The following NFKBIZ variants were observed in gnomAD, a reference collection of about 807,000 sequenced individuals.
NFKBIZ encodes the protein NFKB inhibitor zeta, also known as NF-kappa-B inhibitor zeta.
Under a neutral mutation model 76.8 loss-of-function variants are expected in NFKBIZ, and 19 were observed. The observed-to-expected ratio is 0.25, with a 90% CI of 0.17 to 0.36. NFKBIZ has a LOEUF of 0.36. NFKBIZ is among the 10% of genes least tolerant of loss of function. NFKBIZ has a pLI of 1.00. For synonymous variants in NFKBIZ, 368 were observed against 354.8 expected (o/e 1.04, Z -0.42); for missense variants, 829 against 910.9 (o/e 0.91, Z 1.16).
intron 9 of NFKBIZ, 89 bp downstream of exon 9, chr3:101,855,991 C>G: frequency 2.4e-6 from 3 of 1,238,562 alleles, no homozygotes; most frequent in Non-Finnish European, 3.3e-6. Context: ...ATTCAAACTT[C>G]TTTCTTTTTT....
chr3:101,847,863 C>A (rs78512490), upstream of NFKBIZ, among the ~76,000 whole-genome samples: 1 of 152,188 alleles, frequency 6.6e-6, no homozygotes, highest in Non-Finnish European at 1.5e-5. Context: ...TCGTGTCCCC[C>A]CCTTCGTCCT....
At chr3:101,859,292 A>C in intron 11 of NFKBIZ, 26 bp from the exon 12 acceptor site, 1 of 1,606,622 alleles carries the variant, frequency 6.2e-7, no homozygotes, top group East Asian at 2.2e-5. Context: ...AATAAACCTC[A>C]CAAATTTTAT....
At chr3:101,833,075 G>T (rs1249618034) in intron 2 of NFKBIZ, among the ~76,000 whole-genome samples, 1 of 152,176 alleles carries the variant, frequency 6.6e-6, no homozygotes, top group African/African-American at 2.4e-5. Flanking sequence ...ACATACTACA[G>T]TGCACACACT....
upstream of NFKBIZ, among the ~76,000 whole-genome samples, chr3:101,846,862 C>A (rs1313715241): frequency 6.6e-6 from 1 of 152,206 alleles, no homozygotes; most frequent in African/African-American, 2.4e-5. Context: ...GTCCCACCAT[C>A]TGCCATCCAT....
chr3:101,856,113 C>T (rs893473640), intron 9 of NFKBIZ: 16 of 321,492 alleles, frequency 5.0e-5, no homozygotes, highest in East Asian at 3.5e-4. Flanking sequence ...TGCAGTGGTG[C>T]GATCTTGGCT....
chr3:101,852,599 G>C, intron 2 of NFKBIZ, 139 bp from the exon 3 acceptor site: 3 of 618,018 alleles, frequency 4.9e-6, no homozygotes, highest in Non-Finnish European at 8.3e-6. Flanking sequence ...AATTGATATA[G>C]AAAATCAATA....
chr3:101,851,333 G>A (rs545595512), intron 1 of NFKBIZ, among the ~76,000 whole-genome samples: 37 of 152,338 alleles, frequency 2.4e-4, no homozygotes, highest in Middle Eastern at 3.4e-3. Flanking sequence ...GTTTAAAAGT[G>A]AAACAAGCAT....
At chr3:101,845,568 C>T (rs960228468), upstream of NFKBIZ, among the ~76,000 whole-genome samples, 1 of 152,130 alleles carries the variant, frequency 6.6e-6, no homozygotes, top group African/African-American at 2.4e-5. Flanking sequence ...TCCCAAATTG[C>T]TGGGATTACA....
intron 6 of NFKBIZ, 48 bp from the exon 7 acceptor site, chr3:101,855,014 G>A: frequency 4.6e-6 from 7 of 1,533,934 alleles, no homozygotes; most frequent in Non-Finnish European, 5.3e-6. Context: ...TCCTTGTTAT[G>A]ATAACATTGT....
In NFKBIZ at chr3:101,859,335, G is replaced by A. The variant is rs766997407; in HGVS notation, c.2121G>A (p.Lys707=). 8.7e-6 allele frequency: 14 copies of A among 1,613,626 alleles called. No individual in the cohort carries two copies. In the South Asian group the frequency reaches 1.5e-4, roughly 18 times the overall value. Residue 707 remains lysine (K), a synonymous_variant, in exon 12 of 12, where the codon AAG becomes AAA. Transcript: ENST00000326172. ...TCTTCCAGATCCGACGTATCCTGAA[G>A]GGAAAGTCCATTCAGCAGAGAGCTC... ...PVGEQIRRIL[K]GKSIQQRAPP...
At chr3:101,846,025 A>G (rs1231084063), upstream of NFKBIZ, among the ~76,000 whole-genome samples, 1 of 152,194 alleles carries the variant, frequency 6.6e-6, no homozygotes, top group Non-Finnish European at 1.5e-5. Flanking sequence ...TCAAGGCCCC[A>G]TATTTCGTAT....
chr3:101,857,324 T>C lies in NFKBIZ; in HGVS notation c.1968T>C (p.Ala656=). 1 of 1,614,230 alleles carries C rather than the reference T, an allele frequency of 6.2e-7. No homozygotes were observed. The highest frequency in any genetic ancestry group is 8.5e-7 in the Non-Finnish European group (1 of 1,180,030). The part of the protein sequence containing the change: ...AYNGNTALHV[A]ASLQYRLTQL... ...ATGGCAACACTGCCCTCCATGTTGC[T>C]GCCAGCTTGCAGTATCGGTTGACAC... Residue 656 remains alanine, a synonymous_variant, in exon 11 of 12, where the codon GCT becomes GCC. Transcript: ENST00000326172.
At chr3:101,830,749 A>G (rs1332851812) in intron 2 of NFKBIZ, among the ~76,000 whole-genome samples, 1 of 152,062 alleles carries the variant, frequency 6.6e-6, no homozygotes, top group Non-Finnish European at 1.5e-5. Context: ...GGTTGATTCC[A>G]TGTCTTTGCT....
intron 1 of NFKBIZ, 130 bp from the exon 2 acceptor site, chr3:101,851,955 G>A (rs1942971821): frequency 2.8e-6 from 3 of 1,078,682 alleles, no homozygotes; most frequent in Non-Finnish European, 3.9e-6. Flanking sequence ...ACCAGAGCAA[G>A]TTGGAAAGGT....
chr3:101,854,351 G>A (rs1441030411), intron 5 of NFKBIZ, among the ~76,000 whole-genome samples: 1 of 152,088 alleles, frequency 6.6e-6, no homozygotes, highest in Non-Finnish European at 1.5e-5. Context: ...TGATCAGTAT[G>A]GTGCTTGACA....
chr3:101,856,833 G>A, intron 9 of NFKBIZ: 1 of 404,358 alleles, frequency 2.5e-6, no homozygotes, highest in Non-Finnish European at 4.4e-6. Context: ...ACATTTTATG[G>A]CCACCCTGTA....
chr3:101,847,938 C>T (rs908991010), upstream of NFKBIZ, among the ~76,000 whole-genome samples: 3 of 152,226 alleles, frequency 2.0e-5, no homozygotes, highest in Admixed American at 6.5e-5. Flanking sequence ...TTCACCTGGT[C>T]GTGGCTCCAA....
Position 101,855,110 on chromosome 3 carries a change from G to T in NFKBIZ, c.1492G>T (p.Asp498Tyr). The change falls in exon 7 of 12, where the codon GAT (aspartate) becomes TAT (tyrosine). Residue 498 changes from aspartate to tyrosine, a missense_variant. This residue lies in a region of NFKBIZ where 272 missense variants were observed against 384.2 expected (regional missense o/e 0.71). Transcript: ENST00000326172. ...VAANQHLIVQ[D>Y]LVNIGAQVNT... ...TGCCAATCAGCATCTCATTGTGCAG[G>T]ATCTGGTGAACATCGGGGCACAGGT... The T allele has an allele frequency of 6.2e-7, 1 of 1,614,002 alleles. No individual in the cohort carries two copies.
chr3:101,858,354 A>G, intron 11 of NFKBIZ: 3 of 974,690 alleles, frequency 3.1e-6, no homozygotes, highest in Non-Finnish European at 3.7e-6. Flanking sequence ...TAGTTAGAAG[A>G]ACTTTACAAG....
Sources: allele counts gnomAD v4.1 joint callset (sites outside exome capture counted in the v4.1 genomes callset), GRCh38; gene constraint gnomAD v4.1.1; regional missense constraint gnomAD v4.1.1; transcripts MANE v1.5; gene names NCBI Gene and HGNC (gene_info 2026-07-23, HGNC 2026-07-21).